PAWR: variants seen among roughly 807,000 people sequenced by gnomAD.
The protein encoded by PAWR is pro-apoptotic WT1 regulator, also known as PRKC apoptosis WT1 regulator protein.
PAWR carries 23 observed loss-of-function variants against 32.0 expected under a neutral mutation model. That is an observed-to-expected ratio of 0.72 (90% CI 0.52 to 1.02). PAWR has a LOEUF of 1.02. PAWR is among the 50% of genes least tolerant of loss of function. The pLI, the probability that PAWR is intolerant of heterozygous loss-of-function variation, is 0.00. For synonymous variants in PAWR, 226 were observed against 187.1 expected (o/e 1.21, Z -1.70); for missense variants, 457 against 437.7 (o/e 1.04, Z -0.39).
intron 3 of PAWR, among the ~76,000 whole-genome samples, chr12:79,617,883 C>T (rs1274837912): frequency 6.6e-6 from 1 of 151,996 alleles, no homozygotes; most frequent in African/African-American, 2.4e-5. Flanking sequence ...GACCTGCCCC[C>T]GCTCTCTCTC....
At chr12:79,674,234 C>A (rs375796626) in intron 2 of PAWR, among the ~76,000 whole-genome samples, 18 of 152,010 alleles carry the variant, frequency 1.2e-4, no homozygotes, top group African/African-American at 3.4e-4. Context: ...GTCAGAGAAC[C>A]CCAAAAATAA....
intron 6 of PAWR, among the ~76,000 whole-genome samples, chr12:79,593,567 T>C (rs1873633373): frequency 6.6e-6 from 1 of 151,606 alleles, no homozygotes; most frequent in Non-Finnish European, 1.5e-5. Context: ...ATGTAATCAA[T>C]TTGAATCACT....
At chr12:79,632,348 T>TAC (rs1875732104) in intron 2 of PAWR, among the ~76,000 whole-genome samples, 2 of 67,328 alleles carry the variant, frequency 3.0e-5, no homozygotes, top group Non-Finnish European at 4.5e-5. Flanking sequence ...TATATATATA[T>TAC]ATATATATAT....
chr12:79,683,997 G>GA (rs1287669135), intron 2 of PAWR, among the ~76,000 whole-genome samples: 2 of 152,014 alleles, frequency 1.3e-5, no homozygotes, highest in African/African-American at 4.8e-5. Context: ...TCACTTTACT[G>GA]AAAGGAAAGC....
At position 79,689,958 on chromosome 12, in the gene PAWR, G is replaced by A. The variant is rs1250914449; in HGVS notation, c.287C>T (p.Ala96Val). The change falls in exon 2 of 7, where the codon GCC (alanine) becomes GTC (valine). Residue 96 changes from alanine to valine, a missense_variant. Physicochemically the swap from Ala to Val is moderately conservative, Grantham distance 64. Coordinates refer to ENST00000328827, the MANE Select transcript of PAWR (RefSeq NM_002583.4). ...PGGVNCAVGS[A>V]MLTRAAPGPR... is the part of the protein sequence containing the mutation. ...GCCGGGGGCCGCCCGCGTCAGCATG[G>A]CGGAGCCGACCGCGCAGTTCACGCC... 7 of 1,383,036 alleles carry A rather than the reference G, an allele frequency of 5.1e-6. No homozygotes were observed. The highest frequency in any genetic ancestry group is 1.7e-5 in the South Asian group (1 of 59,488). The allele number at this position is 1,383,036 out of a possible 1,614,324, so 85.7% of individuals were successfully genotyped here.
At chr12:79,655,537 G>A (rs1276927909) in intron 2 of PAWR, among the ~76,000 whole-genome samples, 3 of 152,172 alleles carry the variant, frequency 2.0e-5, no homozygotes, top group Non-Finnish European at 4.4e-5. Flanking sequence ...AGTTTCCCAG[G>A]TGATTTTAAC....
In PAWR at chr12:79,613,740, C is replaced by T. The variant is rs568111201; in HGVS notation, c.649-131G>A. On this transcript the variant is annotated intron_variant, in intron 3 of 6. Transcript: ENST00000328827. ...GAAGCAATTACTGTTTTAAAAAATT[C>T]ACACTGCTGGTCAAACAAAACAGGA... 2.8e-4 allele frequency: 128 copies of T among 454,678 alleles called. 1 individual carries two copies. Among genetic ancestry groups the T allele is most frequent in the African/African-American group, 2.2e-3 (108 of 49,884 alleles). 28.2% of individuals were successfully genotyped at this position (454,678 alleles called of 1,614,324 possible).
rs1242292127 is a variant in PAWR at position 79,587,511 on chromosome 12, T to TA, written c.*5095dup. 4 of 152,066 alleles carry TA rather than the reference T, an allele frequency of 2.6e-5. No individual in the cohort carries two copies. The highest frequency in any genetic ancestry group is 5.9e-5 in the Non-Finnish European group (4 of 67,902). 9.4% of individuals were successfully genotyped at this position (152,066 alleles called of 1,614,324 possible). ...AATCAAGAAATTATTCATGTAGTTT[T>TA]AAAACACAATTAAAATTTTCAGTCA... On this transcript the variant is annotated 3_prime_UTR_variant, in exon 7 of 7. Transcript: ENST00000328827.
chr12:79,660,873 T>C (rs1592538872), intron 2 of PAWR, among the ~76,000 whole-genome samples: 1 of 151,798 alleles, frequency 6.6e-6, no homozygotes, highest in Admixed American at 6.6e-5. Flanking sequence ...CGAGAGCCAT[T>C]GCGGCCAGCC....
Position 79,690,216 on chromosome 12 carries a change from C to T in PAWR, c.29G>A (p.Ser10Asn), listed in dbSNP as rs1327308186. The T allele has an allele frequency of 6.6e-7, 1 of 1,525,326 alleles. No homozygotes were observed. The highest frequency in any genetic ancestry group is 8.8e-7 in the Non-Finnish European group (1 of 1,140,770). 94.5% of individuals were successfully genotyped at this position (1,525,326 alleles called of 1,614,324 possible). A position where few individuals can be genotyped will look rare whatever the true frequency, so the allele number is the denominator to read the frequency against. ...GTCTGTGGTGCTGCCGCCGAGGCCG[C>T]TGCTGGTCCGGTAGCCACCGGTCGC... MATGGYRTSSGLGGSTTDFL... is the reference protein window; with the variant it reads MATGGYRTSNGLGGSTTDFL... Residue 10 changes from serine to asparagine, a missense_variant, in exon 2 of 7, where the codon AGC becomes AAC. Physicochemically the swap from Ser to Asn is conservative, Grantham distance 46. Coordinates refer to ENST00000328827, the MANE Select transcript of PAWR (RefSeq NM_002583.4).
At chr12:79,607,909 C>A (rs1175787518) in intron 4 of PAWR, among the ~76,000 whole-genome samples, 1 of 151,676 alleles carries the variant, frequency 6.6e-6, no homozygotes, top group Non-Finnish European at 1.5e-5. Flanking sequence ...ATTAACCGGG[C>A]ATGGGGGCGC....
At chr12:79,686,511 C>G (rs1878686069) in intron 2 of PAWR, among the ~76,000 whole-genome samples, 1 of 152,152 alleles carries the variant, frequency 6.6e-6, no homozygotes, top group Non-Finnish European at 1.5e-5. Context: ...TGGGATCCAT[C>G]CCAGACCCAT....
chr12:79,640,942 G>A (rs1370343636), intron 2 of PAWR, among the ~76,000 whole-genome samples: 1 of 151,938 alleles, frequency 6.6e-6, no homozygotes, highest in East Asian at 1.9e-4. Flanking sequence ...TGAAGTTAAG[G>A]GAAATAACTA....
intron 4 of PAWR, chr12:79,604,834 T>C (rs776180025): frequency 2.4e-5 from 9 of 375,254 alleles, no homozygotes; most frequent in Admixed American, 1.8e-4. Flanking sequence ...ATATTTATTA[T>C]AGAAAACAGA....
At chr12:79,667,149 C>G (rs528389560) in intron 2 of PAWR, among the ~76,000 whole-genome samples, 1 of 152,314 alleles carries the variant, frequency 6.6e-6, no homozygotes, top group South Asian at 2.1e-4. Context: ...GAGGCTGTGT[C>G]ACAGGTGCAT....
intron 2 of PAWR, among the ~76,000 whole-genome samples, chr12:79,622,553 C>T (rs930344407): frequency 1.3e-5 from 2 of 152,056 alleles, no homozygotes; most frequent in African/African-American, 4.8e-5. Context: ...TGAGAATATG[C>T]AGTGATTGGT....
In PAWR at chr12:79,589,348, T is replaced by C. The variant is rs1335649054; in HGVS notation, c.*3259A>G. 6.6e-6 allele frequency: 1 copy of C among 152,040 alleles called. No homozygotes were observed. Among genetic ancestry groups the C allele is most frequent in the Non-Finnish European group, 1.5e-5 (1 of 67,946 alleles). 9.4% of individuals were successfully genotyped at this position (152,040 alleles called of 1,614,324 possible). ...CAAGAAATTAAGTGGATTCAAAATC[T>C]TACATTTTTATTTCTAATTATAAAA... On this transcript the variant is annotated 3_prime_UTR_variant, in exon 7 of 7. Coordinates refer to ENST00000328827, the MANE Select transcript of PAWR (RefSeq NM_002583.4).
At chr12:79,665,247 AT>A (rs1877548565) in intron 2 of PAWR, among the ~76,000 whole-genome samples, 1 of 152,202 alleles carries the variant, frequency 6.6e-6, no homozygotes, top group Non-Finnish European at 1.5e-5. Context: ...TCTTCAAACC[AT>A]AACTATTCTA....
intron 2 of PAWR, among the ~76,000 whole-genome samples, chr12:79,631,037 T>C (rs1252804674): frequency 6.6e-6 from 1 of 152,150 alleles, no homozygotes; most frequent in African/African-American, 2.4e-5. Flanking sequence ...AAATCAGTGA[T>C]TCATCATCTT....
Sources: allele counts gnomAD v4.1 joint callset (sites outside exome capture counted in the v4.1 genomes callset), GRCh38; gene constraint gnomAD v4.1.1; transcripts MANE v1.5; gene names NCBI Gene and HGNC (gene_info 2026-07-23, HGNC 2026-07-21).